PBX3: variants seen among roughly 807,000 people sequenced by gnomAD.
PBX3 encodes pre-B-cell leukemia transcription factor 3.
A neutral mutation model predicts 48.5 loss-of-function variants in PBX3; 14 were observed. The ratio of observed to expected loss-of-function variants is 0.29; its 90% CI spans 0.19 to 0.45. PBX3 has a LOEUF of 0.45. Among genes scored for constraint, PBX3 ranks in the 20% least tolerant of loss-of-function variants. The pLI is 1.00. For missense variants in PBX3, 386 were observed against 546.7 expected, an observed-to-expected ratio of 0.71 and a Z score of 2.93; for synonymous variants, 210 against 200.3, an observed-to-expected ratio of 1.05 and a Z score of -0.41.
intron 2 of PBX3, among the ~76,000 whole-genome samples, chr9:125,886,432 A>G (rs528649182): frequency 3.0e-4 from 46 of 152,234 alleles, no homozygotes; most frequent in South Asian, 2.1e-4. Flanking sequence ...TGAAGGTTCA[A>G]ACAGTTTCAA....
chr9:125,939,946 C>T (rs1267551203), intron 5 of PBX3, among the ~76,000 whole-genome samples: 10 of 152,178 alleles, frequency 6.6e-5, no homozygotes, highest in Admixed American at 6.5e-4. Context: ...TGGCTCACGC[C>T]TGTAATCCCA....
chr9:125,917,087 A>G (rs527529554), intron 3 of PBX3, among the ~76,000 whole-genome samples: 2 of 152,272 alleles, frequency 1.3e-5, no homozygotes, highest in South Asian at 2.1e-4. Flanking sequence ...TTTTAAAGCA[A>G]GTCTTAGACA....
At chr9:125,865,839 A>G (rs1244030055) in intron 2 of PBX3, among the ~76,000 whole-genome samples, 1 of 152,214 alleles carries the variant, frequency 6.6e-6, no homozygotes, top group East Asian at 1.9e-4. Context: ...GCCTGTTTTC[A>G]TAAGTGGTTG....
chr9:125,772,910 C>T lies in PBX3; in HGVS notation c.274+24287C>T, dbSNP rs191921803. ...GGGTGACACCATCTCTACCTATTCT[C>T]CCCAGAAAAAAGAGTGATATATGTG... On this transcript the variant is annotated intron_variant, in intron 2 of 8. Transcript: ENST00000373489. Among the ~76,000 whole-genome samples the T allele has an allele frequency of 1.1e-3, 174 of 152,146 alleles. 1 individual carries two copies. Among genetic ancestry groups the T allele is most frequent in the African/African-American group, 3.9e-3 (163 of 41,528 alleles).
intron 3 of PBX3, among the ~76,000 whole-genome samples, chr9:125,926,887 T>A (rs957736980): frequency 1.3e-5 from 2 of 152,222 alleles, no homozygotes; most frequent in East Asian, 3.8e-4. Context: ...TTTATTTTTT[T>A]AAATCTTGGT....
In PBX3 at chr9:125,960,801, G is replaced by T. The variant is rs1345398723; in HGVS notation, c.961G>T (p.Ala321Ser). Residue 321 changes from alanine to serine, a missense_variant, in exon 6 of 9, where the codon GCA (alanine) becomes TCA (serine). Physicochemically the swap from Ala to Ser is moderately conservative, Grantham distance 99 (BLOSUM62 1). Around this residue, in one of 4 missense-constraint regions of PBX3, gnomAD observed 127 missense variants for 143.3 expected, o/e 0.89. Coordinates refer to ENST00000373489, the MANE Select transcript of PBX3 (RefSeq NM_006195.6). Reference protein sequence around the residue: ...TAVTAAHAVAAAVQNNQTNSP... With the variant: ...TAVTAAHAVASAVQNNQTNSP... ...CGTGACAGCTGCACACGCAGTAGCA[G>T]CAGCTGTGCAGAACAACCAGACCAA... 3 of 1,614,074 alleles carry T rather than the reference G, an allele frequency of 1.9e-6. No homozygotes were observed. Among genetic ancestry groups the T allele is most frequent in the Non-Finnish European group, 2.5e-6 (3 of 1,180,030 alleles).
intron 2 of PBX3, among the ~76,000 whole-genome samples, chr9:125,825,512 A>C (rs1312594713): frequency 6.6e-6 from 1 of 151,264 alleles, no homozygotes; most frequent in Non-Finnish European, 1.5e-5. Flanking sequence ...CAAATTCTTT[A>C]ATGTCTGGCT....
At chr9:125,872,599 A>G (rs1249603640) in intron 2 of PBX3, among the ~76,000 whole-genome samples, 3 of 151,972 alleles carry the variant, frequency 2.0e-5, no homozygotes, top group Non-Finnish European at 4.4e-5. Context: ...ATCTCACAAA[A>G]AAATTTTAAA....
At chr9:125,835,182 G>T (rs1839096770) in intron 2 of PBX3, among the ~76,000 whole-genome samples, 1 of 152,032 alleles carries the variant, frequency 6.6e-6, no homozygotes, top group South Asian at 2.1e-4. Flanking sequence ...TTTACTATGT[G>T]CCAGGCACAG....
At position 125,888,972 on chromosome 9, in the gene PBX3, G is replaced by A. The variant is rs545840764; in HGVS notation, c.275-26714G>A. Among the ~76,000 whole-genome samples the A allele has an allele frequency of 3.3e-5, 5 of 152,192 alleles. No homozygotes were observed. In the South Asian group the frequency reaches 1.0e-3, roughly 32 times the overall value. On this transcript the variant is annotated intron_variant, in intron 2 of 8. Transcript: ENST00000373489. ...TGTTTTTCCAAAAATGTACATTTTT[G>A]GGTGTAAAATATGCTTTGGGAATTT...
chr9:125,842,952 T>C (rs1839326252), intron 2 of PBX3, among the ~76,000 whole-genome samples: 1 of 152,152 alleles, frequency 6.6e-6, no homozygotes, highest in Non-Finnish European at 1.5e-5. Flanking sequence ...GCTCTTTTAT[T>C]TTTATGTCAG....
chr9:125,935,721 A>G (rs539561611), intron 5 of PBX3, 114 bp downstream of exon 5: 3 of 1,048,292 alleles, frequency 2.9e-6, no homozygotes, highest in South Asian at 3.7e-5. Flanking sequence ...CAAAAAAGAT[A>G]TAAGGAAAAT....
chr9:125,949,245 A>G, intron 5 of PBX3: 1 of 1,155,986 alleles, frequency 8.7e-7, no homozygotes, highest in South Asian at 1.6e-5. Flanking sequence ...AATAATGATA[A>G]TTTGCTCAGG....
At chr9:125,777,963 C>CTT (rs574844395) in intron 2 of PBX3, among the ~76,000 whole-genome samples, 18 of 137,882 alleles carry the variant, frequency 1.3e-4, no homozygotes, top group African/African-American at 2.7e-4. Flanking sequence ...CAAATCTTCT[C>CTT]TTTTTTTTTT....
intron 2 of PBX3, among the ~76,000 whole-genome samples, chr9:125,847,542 T>G (rs772236136): frequency 1.4e-4 from 21 of 152,078 alleles, no homozygotes; most frequent in Middle Eastern, 3.4e-3. Flanking sequence ...AGTAAAATAG[T>G]GGTATGCTCA....
chr9:125,762,676 C>G (rs1836701556), intron 2 of PBX3, among the ~76,000 whole-genome samples: 1 of 152,180 alleles, frequency 6.6e-6, no homozygotes, highest in Non-Finnish European at 1.5e-5. Context: ...GTTAAGGTTT[C>G]TAATATTTAA....
chr9:125,894,718 G>C (rs1024740529), intron 2 of PBX3, among the ~76,000 whole-genome samples: 3 of 152,112 alleles, frequency 2.0e-5, no homozygotes, highest in African/African-American at 4.8e-5. Context: ...TGTGGCAAAT[G>C]ATAGTCAGAA....
chr9:125,870,050 C>T (rs1020401188), intron 2 of PBX3, among the ~76,000 whole-genome samples: 3 of 145,684 alleles, frequency 2.1e-5, no homozygotes, highest in Admixed American at 6.9e-5. Context: ...TTTTCTGAGA[C>T]GGTCTCAGTC....
rs966968934 is a variant in PBX3, at chr9:125,802,365, T to A, written c.274+53742T>A. Among the ~76,000 whole-genome samples, 8 of 125,878 alleles carry A rather than the reference T, an allele frequency of 6.4e-5. No individual in the cohort carries two copies. The East Asian group carries it at 8.8e-4, about 14-fold the overall frequency. 82.6% of individuals were successfully genotyped at this position (125,878 alleles called of 152,430 possible). ...CTTGTGAGAACATTAGTGCATTTTT[T>A]TTTTTTTTTTTTTTTTTTTAAAGAC... On this transcript the variant is annotated intron_variant, in intron 2 of 8. Coordinates refer to ENST00000373489, the MANE Select transcript of PBX3 (RefSeq NM_006195.6).
Sources: gnomAD v4.1 joint callset for allele counts (sites outside exome capture counted in the v4.1 genomes callset) on GRCh38, gnomAD v4.1.1 for gene constraint, gnomAD v4.1.1 regional missense constraint, MANE v1.5 for transcripts, NCBI Gene and HGNC (gene_info 2026-07-23, HGNC 2026-07-21) for gene names.